Variants in GRIN2A observed in about 807,000 individuals in gnomAD.
GRIN2A encodes glutamate ionotropic receptor NMDA type subunit 2A.
In GRIN2A, 22 loss-of-function variants were observed where a neutral mutation model predicts 113.4. The observed-to-expected ratio is 0.19, with a 90% CI of 0.14 to 0.28. The LOEUF is 0.28. Ranked by LOEUF, GRIN2A falls within the 10% of genes least tolerant of loss-of-function variation. The pLI is 1.00. For synonymous variants in GRIN2A, 827 were observed against 738.4 expected (o/e 1.12, Z -1.94); for missense variants, 1,502 against 1,887.0 (o/e 0.80, Z 3.78).
At chr16:10,086,288 C>T (rs2048083938) in intron 2 of GRIN2A, among the ~76,000 whole-genome samples, 1 of 152,154 alleles carries the variant, frequency 6.6e-6, no homozygotes, top group East Asian at 1.9e-4. Context: ...AGTGACACTG[C>T]CATCAGCTTC....
At chr16:10,177,284 C>T (rs573469721) in intron 2 of GRIN2A, among the ~76,000 whole-genome samples, 1 of 152,244 alleles carries the variant, frequency 6.6e-6, no homozygotes, top group South Asian at 2.1e-4. Flanking sequence ...CCTTTTAAAC[C>T]AACTTCTCTT....
At chr16:9,965,946 A>T (rs1172859358) in intron 2 of GRIN2A, among the ~76,000 whole-genome samples, 2 of 152,332 alleles carry the variant, frequency 1.3e-5, no homozygotes, top group Non-Finnish European at 2.9e-5. Flanking sequence ...AACACTTGCC[A>T]ATTGCTGCTT....
chr16:9,809,437 C>G (rs893350527), intron 10 of GRIN2A, among the ~76,000 whole-genome samples: 11 of 151,892 alleles, frequency 7.2e-5, no homozygotes, highest in African/African-American at 1.9e-4. Context: ...CTCAGAAAAA[C>G]AAAAACATAT....
rs372649219 is a variant in GRIN2A at position 9,938,279 on chromosome 16, G to C, written c.687C>G (p.Leu229=). Residue 229 remains leucine (L), a synonymous_variant, in exon 3 of 13, where the codon CTC becomes CTG. Transcript: ENST00000330684. The part of the protein sequence containing the change: ...LKKIHSSVIL[L]YCSKDEAVLI... ...GAACAGCCTCGTCTTTGGAACAGTAGAGCAAGATGACAGAAGAGTGGATCT... is the reference window on the plus strand; with the variant it reads ...GAACAGCCTCGTCTTTGGAACAGTACAGCAAGATGACAGAAGAGTGGATCT... 1.9e-6 allele frequency: 3 copies of C among 1,614,094 alleles called. No homozygotes were observed. In the South Asian group the frequency reaches 3.3e-5, roughly 18 times the overall value.
chr16:9,928,283 C>T (rs2044509450), intron 3 of GRIN2A, among the ~76,000 whole-genome samples: 1 of 152,100 alleles, frequency 6.6e-6, no homozygotes, highest in Non-Finnish European at 1.5e-5. Context: ...TCTCTTGCTC[C>T]CACCTGGAAG....
At chr16:9,956,847 A>G (rs2045322694) in intron 2 of GRIN2A, among the ~76,000 whole-genome samples, 1 of 152,158 alleles carries the variant, frequency 6.6e-6, no homozygotes, top group South Asian at 2.1e-4. Flanking sequence ...GCCTCTTGCA[A>G]AGAAGGTGCT....
At chr16:10,079,087 C>T (rs1257292437) in intron 2 of GRIN2A, among the ~76,000 whole-genome samples, 1 of 152,190 alleles carries the variant, frequency 6.6e-6, no homozygotes, top group African/African-American at 2.4e-5. Context: ...CTCCTTCCTC[C>T]AACCACCCAT....
chr16:9,878,915 G>A (rs1349159786), intron 4 of GRIN2A, among the ~76,000 whole-genome samples: 1 of 151,832 alleles, frequency 6.6e-6, no homozygotes, highest in East Asian at 1.9e-4. Context: ...TTTGGGAGAT[G>A]GCATCACTTA....
intron 2 of GRIN2A, among the ~76,000 whole-genome samples, chr16:10,039,557 C>G (rs1160391370): frequency 6.6e-6 from 1 of 152,006 alleles, no homozygotes; most frequent in African/African-American, 2.4e-5. Flanking sequence ...AAGGCTGCCA[C>G]CTACAGAACA....
At chr16:10,028,887 A>G (rs1406773635) in intron 2 of GRIN2A, among the ~76,000 whole-genome samples, 1 of 152,198 alleles carries the variant, frequency 6.6e-6, no homozygotes, top group Non-Finnish European at 1.5e-5. Flanking sequence ...AAGGGCCCAA[A>G]TTGGGCTGGA....
At chr16:9,940,102 A>G (rs1242448359) in intron 2 of GRIN2A, among the ~76,000 whole-genome samples, 1 of 150,116 alleles carries the variant, frequency 6.7e-6, no homozygotes, top group Non-Finnish European at 1.5e-5. Flanking sequence ...TGGATGTTCC[A>G]TTCATGTTTT....
intron 10 of GRIN2A, among the ~76,000 whole-genome samples, chr16:9,803,464 G>C (rs2041905999): frequency 6.6e-6 from 1 of 151,796 alleles, no homozygotes; most frequent in African/African-American, 2.4e-5. Flanking sequence ...TTTGCCCTTA[G>C]AGGGCTGCTG....
intron 2 of GRIN2A, among the ~76,000 whole-genome samples, chr16:10,028,865 A>G (rs999706092): frequency 6.6e-6 from 1 of 152,210 alleles, no homozygotes; most frequent in Non-Finnish European, 1.5e-5. Context: ...AACTTTATTC[A>G]CAAAAACAAA....
At chr16:9,806,635 G>C (rs1012344811) in intron 10 of GRIN2A, among the ~76,000 whole-genome samples, 1 of 151,940 alleles carries the variant, frequency 6.6e-6, no homozygotes, top group African/African-American at 2.4e-5. Context: ...CATGAAGACG[G>C]AGACAGAAAG....
At chr16:10,182,873 G>C (rs1015202725), upstream of GRIN2A, 1 of 152,310 alleles carries the variant, frequency 6.6e-6, no homozygotes, top group African/African-American at 2.4e-5. Flanking sequence ...ACCCAGCTCC[G>C]GGCTGGTGTG....
chr16:10,040,852 G>C (rs1048293307), intron 2 of GRIN2A, among the ~76,000 whole-genome samples: 5 of 152,254 alleles, frequency 3.3e-5, no homozygotes, highest in African/African-American at 1.2e-4. Flanking sequence ...AGGCTGGCAG[G>C]TCAGAGCTGT....
intron 2 of GRIN2A, among the ~76,000 whole-genome samples, chr16:10,128,779 G>T (rs1596535488): frequency 6.6e-6 from 1 of 152,208 alleles, no homozygotes; most frequent in Non-Finnish European, 1.5e-5. Flanking sequence ...AAAGATCCAT[G>T]AGATAGCTGA....
chr16:10,071,718 C>T (rs1404004808), intron 2 of GRIN2A, among the ~76,000 whole-genome samples: 2 of 152,204 alleles, frequency 1.3e-5, no homozygotes, highest in Non-Finnish European at 2.9e-5. Context: ...CAGTACCTGG[C>T]TGCTGCTTCT....
At chr16:9,780,403 A>C (rs1340351452) in intron 11 of GRIN2A, among the ~76,000 whole-genome samples, 1 of 152,254 alleles carries the variant, frequency 6.6e-6, no homozygotes, top group African/African-American at 2.4e-5. Context: ...GCAACGAAAA[A>C]AAATAATGAG....
Sources: allele counts gnomAD v4.1 joint callset (sites outside exome capture counted in the v4.1 genomes callset), GRCh38; gene constraint gnomAD v4.1.1; transcripts MANE v1.5; gene names NCBI Gene and HGNC (gene_info 2026-07-23, HGNC 2026-07-21).